The following KCNH5 variants were observed in gnomAD, a reference collection of about 807,000 sequenced individuals.
The protein encoded by KCNH5 is potassium voltage-gated channel subfamily H member 5.
In KCNH5, 46 loss-of-function variants were observed where a neutral mutation model predicts 96.1. The observed-to-expected ratio is 0.48, with a 90% confidence interval of 0.38 to 0.61. The LOEUF is 0.61. Ranked by LOEUF, KCNH5 falls within the 20% of genes least tolerant of loss-of-function variation. KCNH5 has a pLI of 0.00. For missense variants in KCNH5, 907 were observed against 1,225.8 expected, an observed-to-expected ratio of 0.74 and a Z score of 3.88; for synonymous variants, 439 against 449.8, an observed-to-expected ratio of 0.98 and a Z score of 0.30.
chr14:62,712,693 A>C, intron 10 of KCNH5: 1 of 779,188 alleles, frequency 1.3e-6, no homozygotes, highest in Middle Eastern at 2.3e-4. Flanking sequence ...CCCTTCACAG[A>C]GCGTTTGCCA....
intron 10 of KCNH5, among the ~76,000 whole-genome samples, chr14:62,767,134 C>T (rs866235230): frequency 2.6e-5 from 4 of 152,262 alleles, no homozygotes; most frequent in Middle Eastern, 3.4e-3. Context: ...TACCATCTCA[C>T]ACCAGTTGGA....
At chr14:62,886,309 T>C (rs1888596232) in intron 7 of KCNH5, among the ~76,000 whole-genome samples, 3 of 152,232 alleles carry the variant, frequency 2.0e-5, no homozygotes, top group Non-Finnish European at 4.4e-5. Flanking sequence ...ACTGCAATAC[T>C]GTGTAGCACG....
chr14:62,916,821 G>A (rs1328706416), intron 7 of KCNH5, among the ~76,000 whole-genome samples: 2 of 152,104 alleles, frequency 1.3e-5, no homozygotes, highest in African/African-American at 2.4e-5. Context: ...CATCGTTTAC[G>A]GCTCTCAGTC....
chr14:62,892,245 C>G (rs1038234737), intron 7 of KCNH5, among the ~76,000 whole-genome samples: 1 of 152,172 alleles, frequency 6.6e-6, no homozygotes, highest in African/African-American at 2.4e-5. Context: ...AGAGAAACAG[C>G]TTTATCGCTG....
chr14:62,947,595 C>A (rs142960589), intron 7 of KCNH5, among the ~76,000 whole-genome samples: 2 of 152,218 alleles, frequency 1.3e-5, no homozygotes, highest in East Asian at 3.9e-4. Context: ...AAACTACCTG[C>A]TTAGACTCAA....
At chr14:63,009,760 A>G (rs1460716434) in intron 2 of KCNH5, among the ~76,000 whole-genome samples, 1 of 152,146 alleles carries the variant, frequency 6.6e-6, no homozygotes, top group Non-Finnish European at 1.5e-5. Flanking sequence ...GGTATGGCAC[A>G]TTTGTTTATT....
At chr14:63,008,361 A>G (rs1209503411) in intron 2 of KCNH5, among the ~76,000 whole-genome samples, 24 of 152,126 alleles carry the variant, frequency 1.6e-4, no homozygotes, top group Admixed American at 1.6e-3. Context: ...TGCACCTGAA[A>G]ATACCAATCA....
chr14:62,749,037 T>C (rs566642210), intron 10 of KCNH5, among the ~76,000 whole-genome samples: 1 of 152,190 alleles, frequency 6.6e-6, no homozygotes, highest in Non-Finnish European at 1.5e-5. Context: ...ATTATTTGAA[T>C]AGTCTGGAAC....
chr14:62,978,314 G>A (rs779903267), intron 6 of KCNH5, among the ~76,000 whole-genome samples: 11 of 152,158 alleles, frequency 7.2e-5, no homozygotes, highest in Non-Finnish European at 1.5e-4. Context: ...CCAGGGTGCC[G>A]CTGACCGTAC....
chr14:62,797,056 A>G (rs1226704097), intron 9 of KCNH5, among the ~76,000 whole-genome samples: 4 of 152,128 alleles, frequency 2.6e-5, no homozygotes, highest in African/African-American at 9.7e-5. Flanking sequence ...TGGGGGCCCA[A>G]GATGTTTTCC....
At chr14:62,932,032 C>T (rs7143072) in intron 7 of KCNH5, among the ~76,000 whole-genome samples, 107,585 of 151,994 alleles carry the variant, frequency 0.71, 38,941 homozygotes, top group East Asian at 0.99. Flanking sequence ...GGCAGCCTAA[C>T]AGAAATGACC....
intron 7 of KCNH5, among the ~76,000 whole-genome samples, chr14:62,915,089 C>T (rs1889248716): frequency 6.6e-6 from 1 of 152,226 alleles, no homozygotes; most frequent in Non-Finnish European, 1.5e-5. Context: ...CTCCCTGCTC[C>T]AGTTAAGCAA....
At chr14:62,731,120 G>C (rs1046421289) in intron 10 of KCNH5, among the ~76,000 whole-genome samples, 3 of 151,912 alleles carry the variant, frequency 2.0e-5, no homozygotes, top group Non-Finnish European at 4.4e-5. Context: ...GGCCAATATG[G>C]TGAAACCCCA....
At chr14:62,842,745 A>G (rs1244297088) in intron 8 of KCNH5, among the ~76,000 whole-genome samples, 1 of 152,214 alleles carries the variant, frequency 6.6e-6, no homozygotes, top group Non-Finnish European at 1.5e-5. Context: ...TATATGTTCT[A>G]TCACCTTGGA....
chr14:62,958,233 C>T (rs17223958), intron 6 of KCNH5, among the ~76,000 whole-genome samples: 14,517 of 152,230 alleles, frequency 0.095, 734 homozygotes, highest in East Asian at 0.11. Flanking sequence ...TTGACGCCAA[C>T]AAATACTTCA....
At chr14:63,002,239 G>T (rs1215695926) in intron 3 of KCNH5, among the ~76,000 whole-genome samples, 1 of 152,160 alleles carries the variant, frequency 6.6e-6, no homozygotes, top group Non-Finnish European at 1.5e-5. Context: ...TGCAGACTCT[G>T]CCCTCTAGGA....
At chr14:62,840,342 AG>A (rs1190839032) in intron 8 of KCNH5, among the ~76,000 whole-genome samples, 10 of 151,988 alleles carry the variant, frequency 6.6e-5, no homozygotes, top group African/African-American at 2.4e-4. Context: ...TGCCTCCTGA[AG>A]GTCTTAAGAA....
chr14:62,753,187 G>A (rs1292597596), intron 10 of KCNH5, among the ~76,000 whole-genome samples: 2 of 152,114 alleles, frequency 1.3e-5, no homozygotes, highest in Admixed American at 1.3e-4. Flanking sequence ...AGAAATTCTG[G>A]TGTTGAAAAA....
At chr14:62,999,053 T>C (rs569151203) in intron 4 of KCNH5, among the ~76,000 whole-genome samples, 1 of 152,318 alleles carries the variant, frequency 6.6e-6, no homozygotes, top group African/African-American at 2.4e-5. Flanking sequence ...ATATACCCTG[T>C]AATGGGATGG....
Sources: gnomAD v4.1 joint callset for allele counts (sites outside exome capture counted in the v4.1 genomes callset) on GRCh38, gnomAD v4.1.1 for gene constraint, MANE v1.5 for transcripts, NCBI Gene and HGNC (gene_info 2026-07-23, HGNC 2026-07-21) for gene names.